The following FOXA3 variants were observed in gnomAD, a reference collection of about 807,000 sequenced individuals.
The protein encoded by FOXA3 is hepatocyte nuclear factor 3-gamma.
A neutral mutation model predicts 16.9 loss-of-function variants in FOXA3; 11 were observed. The ratio of observed to expected loss-of-function variants is 0.65; its 90% confidence interval spans 0.41 to 1.08. The LOEUF (loss-of-function observed/expected upper bound fraction) is 1.08, where lower values mean the gene tolerates loss of function less well. Among genes scored for constraint, FOXA3 ranks in the 50% least tolerant of loss-of-function variants. The pLI, the probability that FOXA3 is intolerant of heterozygous loss-of-function variation, is 0.00. For synonymous variants in FOXA3, 217 were observed against 203.3 expected (o/e 1.07, Z -0.57); for missense variants, 423 against 470.1 (o/e 0.90, Z 0.93).
At chr19:45,867,420 GATA>G (rs1222874232) in intron 1 of FOXA3, among the ~76,000 whole-genome samples, 8 of 146,012 alleles carry the variant, frequency 5.5e-5, no homozygotes, top group Non-Finnish European at 1.2e-4. Context: ...GAGGGAGATA[GATA>G]GATAGATAGA....
intron 1 of FOXA3, among the ~76,000 whole-genome samples, chr19:45,871,041 G>A (rs1044805435): frequency 1.3e-5 from 2 of 152,024 alleles, no homozygotes; most frequent in Admixed American, 6.6e-5. Flanking sequence ...AGTGAGCTGC[G>A]ATTGCACCAC....
In FOXA3 at chr19:45,864,338, C is replaced by T. The variant is rs1306561085; in HGVS notation, c.-119C>T. On this transcript the variant is annotated 5_prime_UTR_variant, in exon 1 of 2. Transcript: ENST00000302177. ...TCCCGCGGCGCTCGGGACAGCCGTA[C>T]CCCGGGCGGTCGGACGGGCGGGCGC... 5 of 848,204 alleles carry T rather than the reference C, an allele frequency of 5.9e-6. No homozygotes were observed. Among genetic ancestry groups the T allele is most frequent in the Non-Finnish European group, 8.0e-6 (5 of 622,372 alleles). The allele number at this position is 848,204 out of a possible 1,614,324, so 52.5% of individuals were successfully genotyped here. A position where few individuals can be genotyped will look rare whatever the true frequency, so the allele number is the denominator to read the frequency against.
At chr19:45,870,115 T>C (rs927668924) in intron 1 of FOXA3, among the ~76,000 whole-genome samples, 3 of 150,268 alleles carry the variant, frequency 2.0e-5, no homozygotes, top group African/African-American at 7.3e-5. Flanking sequence ...AGCTAAAAGA[T>C]TGAAGAGAGC....
intron 1 of FOXA3, among the ~76,000 whole-genome samples, chr19:45,868,361 C>G (rs1028574988): frequency 6.6e-6 from 1 of 152,012 alleles, no homozygotes; most frequent in Non-Finnish European, 1.5e-5. Flanking sequence ...AGGAGGATCA[C>G]CTGAGGTCAG....
intron 1 of FOXA3, among the ~76,000 whole-genome samples, chr19:45,869,835 G>C (rs1313342398): frequency 2.0e-5 from 3 of 151,706 alleles, no homozygotes; most frequent in African/African-American, 7.3e-5. Flanking sequence ...GCCCAGGCTG[G>C]AGGGCAGTGG....
chr19:45,872,116 C>G lies in FOXA3; in HGVS notation c.111C>G (p.Leu37=). The change falls in exon 2 of 2, where the codon CTC becomes CTG. Residue 37 remains leucine, a synonymous_variant. Coordinates refer to ENST00000302177, the MANE Select transcript of FOXA3 (RefSeq NM_004497.3). The surrounding 1 kb of genome is among the most constrained non-coding windows in gnomAD (Gnocchi z 4.5). The stretch of plus-strand genomic sequence containing the variant: ...CCCCAGTGCCCACCATGGCCCCCCT[C>G]AACTCCTACATGACCCTGAATCCTC... ...PVTPVPTMAP[L]NSYMTLNPLS... The G allele has an allele frequency of 6.2e-7, 1 of 1,605,462 alleles. No homozygotes were observed. Among genetic ancestry groups the G allele is most frequent in the Non-Finnish European group, 8.5e-7 (1 of 1,176,004 alleles).
Position 45,872,158 on chromosome 19 carries a change from C to A in FOXA3, c.153C>A (p.Pro51=). ...MTLNPLSSPY[P]PGGLPASPLP... ...TGAATCCTCTAAGCTCTCCCTATCC[C>A]CCTGGGGGGCTCCCTGCCTCCCCAC... Residue 51 remains proline (P), a synonymous_variant, in exon 2 of 2, where the codon CCC becomes CCA. Coordinates refer to ENST00000302177, the MANE Select transcript of FOXA3 (RefSeq NM_004497.3). This position sits in a 1 kb window ranked among gnomAD's most constrained non-coding sequence, Gnocchi z 4.5. 1 of 1,590,228 alleles carries A rather than the reference C, an allele frequency of 6.3e-7. No individual in the cohort carries two copies. Among genetic ancestry groups the A allele is most frequent in the Non-Finnish European group, 8.6e-7 (1 of 1,167,788 alleles).
chr19:45,869,437 G>T (rs747495503), intron 1 of FOXA3, among the ~76,000 whole-genome samples: 72 of 152,324 alleles, frequency 4.7e-4, no homozygotes, highest in Non-Finnish European at 9.6e-4. Context: ...GACCATTCTT[G>T]TGAAGTGCTT....
At position 45,864,522 on chromosome 19, in the gene FOXA3, C is replaced by A. The variant is rs1819978933; in HGVS notation, c.66C>A (p.Gly22=). The change falls in exon 1 of 2, where the codon GGC becomes GGA. Residue 22 remains glycine, a synonymous_variant. Transcript: ENST00000302177. ...LAEWSYYPEA[G]EVYSPVTPVP... is the part of the protein sequence containing the mutation. ...AGTGGAGCTACTACCCGGAGGCGGG[C>A]GAGGTGTGTCCTCGGGGATGGCGGA... is the stretch of plus-strand genomic sequence containing the variant. 1 of 1,542,138 alleles carries A rather than the reference C, an allele frequency of 6.5e-7. No homozygotes were observed. Among genetic ancestry groups the A allele is most frequent in the South Asian group, 1.2e-5 (1 of 81,478 alleles).
At chr19:45,865,286 TC>T (rs1972073986) in intron 1 of FOXA3, among the ~76,000 whole-genome samples, 1 of 151,830 alleles carries the variant, frequency 6.6e-6, no homozygotes, top group Non-Finnish European at 1.5e-5. Context: ...CTTCCCCTGC[TC>T]CCCGCCAGTC....
At position 45,872,112 on chromosome 19, in the gene FOXA3, C is replaced by G. The variant is rs1317087328; in HGVS notation, c.107C>G (p.Pro36Arg). The stretch of plus-strand genomic sequence containing the variant: ...GTGACCCCAGTGCCCACCATGGCCC[C>G]CCTCAACTCCTACATGACCCTGAAT... ...SPVTPVPTMA[P>R]LNSYMTLNPL... Residue 36 changes from proline to arginine, a missense_variant, in exon 2 of 2, where the codon CCC (proline) becomes CGC (arginine). Transcript: ENST00000302177. This position sits in a 1 kb window ranked among gnomAD's most constrained non-coding sequence, Gnocchi z 4.5. The G allele has an allele frequency of 6.2e-7, 1 of 1,606,264 alleles. No individual in the cohort carries two copies. The highest frequency in any genetic ancestry group is 1.7e-5 in the Admixed American group (1 of 58,620).
intron 1 of FOXA3, among the ~76,000 whole-genome samples, chr19:45,867,151 C>T (rs899961498): frequency 6.6e-6 from 1 of 151,896 alleles, no homozygotes; most frequent in Non-Finnish European, 1.5e-5. Context: ...AAAGGAGGGC[C>T]CTGGGGTCCC....
rs750625535 is a variant in FOXA3 at position 45,872,958 on chromosome 19, C to G, written c.953C>G (p.Pro318Arg). The G allele has an allele frequency of 7.4e-6, 12 of 1,614,066 alleles. No individual in the cohort carries two copies. The South Asian group carries it at 1.2e-4, about 16-fold the overall frequency. Residue 318 changes from proline to arginine, a missense_variant, in exon 2 of 2, where the codon CCC (proline) becomes CGC (arginine). Around this residue, in one of 3 missense-constraint regions of FOXA3, gnomAD observed 168 missense variants for 179.3 expected, o/e 0.94. Transcript: ENST00000302177. The surrounding 1 kb of genome is among the most constrained non-coding windows in gnomAD (Gnocchi z 4.5). ...ATGTCAGAACAGACACCAGCACCTC[C>G]CAAACTGGACGTGGGGTTTGGGGGC... ...NLMSEQTPAP[P>R]KLDVGFGGYG...
rs368712646 is a variant in FOXA3, at chr19:45,873,196, G to C, written c.*138G>C. The C allele has an allele frequency of 1.3e-5, 18 of 1,338,854 alleles. No individual in the cohort carries two copies. Among genetic ancestry groups the C allele is most frequent in the East Asian group, 1.0e-4 (4 of 39,776 alleles). The allele number at this position is 1,338,854 out of a possible 1,614,324, so 82.9% of individuals were successfully genotyped here. On this transcript the variant is annotated 3_prime_UTR_variant, in exon 2 of 2. Transcript: ENST00000302177. ...TCTATTACTTACTGTGATGACTGCTGTCTCAGTGGGCATGGTGTTGATCCA... is the reference window on the plus strand; with the variant it reads ...TCTATTACTTACTGTGATGACTGCTCTCTCAGTGGGCATGGTGTTGATCCA...
intron 1 of FOXA3, among the ~76,000 whole-genome samples, chr19:45,865,742 A>AG (rs1972078966): frequency 6.6e-6 from 1 of 151,810 alleles, no homozygotes; most frequent in Non-Finnish European, 1.5e-5. Context: ...GTGCCTGGGA[A>AG]GGGCCAGTCC....
Position 45,872,885 on chromosome 19 carries a change from C to T in FOXA3, c.880C>T (p.Leu294=), listed in dbSNP as rs1478742779. 1.9e-6 allele frequency: 3 copies of T among 1,613,980 alleles called. No individual in the cohort carries two copies. Among genetic ancestry groups the T allele is most frequent in the Non-Finnish European group, 2.5e-6 (3 of 1,180,052 alleles). ...TGLELPGELK[L]DAPYNFNHPF... ...CCTGGAGCTCCCAGGGGAGCTGAAGCTGGACGCGCCCTACAACTTCAACCA... is the reference window on the plus strand; with the variant it reads ...CCTGGAGCTCCCAGGGGAGCTGAAGTTGGACGCGCCCTACAACTTCAACCA... The change falls in exon 2 of 2, where the codon CTG becomes TTG. Residue 294 remains leucine, a synonymous_variant. Transcript: ENST00000302177. This position sits in a 1 kb window ranked among gnomAD's most constrained non-coding sequence, Gnocchi z 4.5.
At chr19:45,869,995 A>G (rs1788578394) in intron 1 of FOXA3, among the ~76,000 whole-genome samples, 2 of 151,726 alleles carry the variant, frequency 1.3e-5, no homozygotes, top group African/African-American at 4.8e-5. Context: ...CATGTTGGCC[A>G]GGCTGGTCTC....
At chr19:45,866,260 T>G (rs745410548) in intron 1 of FOXA3, among the ~76,000 whole-genome samples, 2 of 151,996 alleles carry the variant, frequency 1.3e-5, no homozygotes, top group South Asian at 2.1e-4. Flanking sequence ...AAAAAAATTT[T>G]TTTTTAATTA....
chr19:45,872,689 C>A lies in FOXA3; in HGVS notation c.684C>A (p.Thr228=), dbSNP rs1222841988. Residue 228 remains threonine (T), a synonymous_variant, in exon 2 of 2, where the codon ACC becomes ACA. Coordinates refer to ENST00000302177, the MANE Select transcript of FOXA3 (RefSeq NM_004497.3). This position sits in a 1 kb window ranked among gnomAD's most constrained non-coding sequence, Gnocchi z 4.5. ...AAAAAGGGGGCAGCGGGGCTGCCAC[C>A]ACCACCAGGAACGGGACAGGGTCTG... ...KVKKGGSGAA[T]TTRNGTGSAA... 6.2e-7 allele frequency: 1 copy of A among 1,610,390 alleles called. No homozygotes were observed. The highest frequency in any genetic ancestry group is 8.5e-7 in the Non-Finnish European group (1 of 1,178,582).
Sources: gnomAD v4.1 joint callset for allele counts (sites outside exome capture counted in the v4.1 genomes callset) on GRCh38, gnomAD v4.1.1 for gene constraint, gnomAD v4.1.1 regional missense constraint, Gnocchi (gnomAD v3.1) non-coding constraint, MANE v1.5 for transcripts, NCBI Gene and HGNC (gene_info 2026-07-23, HGNC 2026-07-21) for gene names.